MCTP1: variants seen among roughly 807,000 people sequenced by gnomAD.
MCTP1 encodes multiple C2 and transmembrane domain-containing protein 1.
Under a neutral mutation model 120.6 loss-of-function variants are expected in MCTP1, and 69 were observed. That is an observed-to-expected ratio of 0.57 (90% CI 0.47 to 0.70). The LOEUF is 0.70. Ranked by LOEUF, MCTP1 falls within the 30% of genes least tolerant of loss-of-function variation. The probability of loss-of-function intolerance (pLI) is 0.00; values close to 1 mark genes in which losing one functional copy is unlikely to be tolerated. For missense variants in MCTP1, 1,203 were observed against 1,248.8 expected (o/e 0.96, Z 0.55); for synonymous variants, 529 against 493.1 (o/e 1.07, Z -0.96).
chr5:94,776,418 C>T (rs1413954230), intron 19 of MCTP1, among the ~76,000 whole-genome samples: 1 of 152,112 alleles, frequency 6.6e-6, no homozygotes, highest in East Asian at 1.9e-4. Context: ...CAGGTGCTCT[C>T]ATTCTGTGCC....
intron 1 of MCTP1, among the ~76,000 whole-genome samples, chr5:95,266,242 T>A (rs971413169): frequency 1.3e-5 from 2 of 152,156 alleles, no homozygotes; most frequent in African/African-American, 4.8e-5. Context: ...GAGACTCAAG[T>A]TTTAACTTTT....
At chr5:95,176,323 G>A (rs1165536126) in intron 1 of MCTP1, among the ~76,000 whole-genome samples, 5 of 152,060 alleles carry the variant, frequency 3.3e-5, no homozygotes, top group East Asian at 1.9e-4. Context: ...CGAGGAGTTC[G>A]AGACTAGCCT....
At chr5:94,953,158 A>T in intron 3 of MCTP1, 61 bp downstream of exon 3, 1 of 1,474,250 alleles carries the variant, frequency 6.8e-7, no homozygotes, top group Non-Finnish European at 9.2e-7. Context: ...ACATGATAAA[A>T]CCCAGTAAAC....
rs75061204 is a variant in MCTP1, at chr5:95,271,145, A to G, written c.720+12711T>C. 5.0e-3 allele frequency among the ~76,000 whole-genome samples: 759 copies of G among 152,352 alleles called. 24 individuals are homozygous for G. In the East Asian group the frequency reaches 0.097, roughly 20 times the overall value. ...CTAGAAAAAGAATAGATTTTAAAATATGAAATGGGCATTTGTAAATACACC... is the reference window on the plus strand; with the variant it reads ...CTAGAAAAAGAATAGATTTTAAAATGTGAAATGGGCATTTGTAAATACACC... On this transcript the variant is annotated intron_variant, in intron 1 of 22. Coordinates refer to ENST00000515393, the MANE Select transcript of MCTP1 (RefSeq NM_024717.7).
intron 17 of MCTP1, among the ~76,000 whole-genome samples, chr5:94,821,076 A>G (rs1366316546): frequency 2.0e-5 from 3 of 152,206 alleles, no homozygotes; most frequent in Non-Finnish European, 1.5e-5. Context: ...AACCAAGTCT[A>G]TCTGGCTCCA....
At chr5:94,886,546 T>G (rs1006520539) in intron 12 of MCTP1, among the ~76,000 whole-genome samples, 1 of 152,230 alleles carries the variant, frequency 6.6e-6, no homozygotes, top group African/African-American at 2.4e-5. Context: ...AAATCAACCG[T>G]GTATCTTACA....
chr5:95,132,197 G>A lies in MCTP1; in HGVS notation c.721-114713C>T, dbSNP rs115481839. On this transcript the variant is annotated intron_variant, in intron 1 of 22. Coordinates refer to ENST00000515393, the MANE Select transcript of MCTP1 (RefSeq NM_024717.7). Reference sequence around the variant, plus strand: ...CTCATTACAGTCACCAGAATTGAAGGGAGCCCCAGTAACATTCTGTAACAT... The same window carrying A: ...CTCATTACAGTCACCAGAATTGAAGAGAGCCCCAGTAACATTCTGTAACAT... Among the ~76,000 whole-genome samples, 382 of 152,278 alleles carry A rather than the reference G, an allele frequency of 2.5e-3. 2 individuals carry two copies. Among genetic ancestry groups the A allele is most frequent in the African/African-American group, 8.8e-3 (366 of 41,538 alleles).
intron 1 of MCTP1, among the ~76,000 whole-genome samples, chr5:95,121,195 G>C (rs1043410309): frequency 3.4e-5 from 5 of 145,304 alleles, no homozygotes; most frequent in Non-Finnish European, 7.5e-5. Context: ...GGAGAATGGC[G>C]TGAACCCAGG....
chr5:94,828,782 G>A (rs964801950), intron 17 of MCTP1, among the ~76,000 whole-genome samples: 2 of 152,102 alleles, frequency 1.3e-5, no homozygotes, highest in African/African-American at 4.8e-5. Context: ...CAGCAATGGC[G>A]GGTGTCCCTC....
At chr5:95,171,002 G>C (rs1244953584) in intron 1 of MCTP1, among the ~76,000 whole-genome samples, 1 of 152,034 alleles carries the variant, frequency 6.6e-6, no homozygotes, top group Admixed American at 6.6e-5. Context: ...TTTCTTCCTA[G>C]TCTCGATGGT....
At chr5:95,004,715 A>T (rs1834355620) in intron 2 of MCTP1, among the ~76,000 whole-genome samples, 1 of 152,230 alleles carries the variant, frequency 6.6e-6, no homozygotes, top group Admixed American at 6.5e-5. Context: ...AGAGGGCAAC[A>T]GTTGAGGCTT....
intron 12 of MCTP1, among the ~76,000 whole-genome samples, chr5:94,888,461 G>A (rs1801813286): frequency 6.6e-6 from 1 of 152,070 alleles, no homozygotes; most frequent in East Asian, 1.9e-4. Context: ...TTGATACCAA[G>A]TTATTGAGTA....
At chr5:95,195,998 G>A (rs768207996) in intron 1 of MCTP1, among the ~76,000 whole-genome samples, 8 of 151,988 alleles carry the variant, frequency 5.3e-5, no homozygotes, top group Non-Finnish European at 1.0e-4. Context: ...GTGGTCCCCC[G>A]CCTTTCTAAA....
chr5:94,814,613 A>G (rs1236861283), intron 17 of MCTP1, among the ~76,000 whole-genome samples: 5 of 152,354 alleles, frequency 3.3e-5, no homozygotes, highest in African/African-American at 1.2e-4. Context: ...TTCCTATGAA[A>G]AATATAATCA....
At chr5:95,101,304 G>A (rs1292400372) in intron 1 of MCTP1, among the ~76,000 whole-genome samples, 1 of 152,104 alleles carries the variant, frequency 6.6e-6, no homozygotes, top group African/African-American at 2.4e-5. Context: ...TGTACATCCT[G>A]AAACAAAACC....
intron 1 of MCTP1, among the ~76,000 whole-genome samples, chr5:95,106,880 T>G (rs1362003324): frequency 6.6e-6 from 1 of 152,180 alleles, no homozygotes; most frequent in Non-Finnish European, 1.5e-5. Context: ...TTGGTAAACA[T>G]GCTTAGAGAA....
intron 17 of MCTP1, among the ~76,000 whole-genome samples, chr5:94,854,570 G>T (rs1794378261): frequency 6.6e-6 from 1 of 151,854 alleles, no homozygotes; most frequent in Non-Finnish European, 1.5e-5. Flanking sequence ...CTGTAAAAAT[G>T]AGTGTTTCTA....
intron 17 of MCTP1, among the ~76,000 whole-genome samples, chr5:94,825,466 G>T (rs1047546590): frequency 2.6e-5 from 4 of 152,032 alleles, no homozygotes; most frequent in Admixed American, 6.6e-5. Context: ...CCAATTATGT[G>T]GTCAATTTTA....
chr5:95,258,167 G>A lies in MCTP1; in HGVS notation c.720+25689C>T, dbSNP rs1310132410. On this transcript the variant is annotated intron_variant, in intron 1 of 22. Transcript: ENST00000515393. ...ATGGGGTGGGGTGAGGGCAGGTAAA[G>A]TGCTGAATAACTTTACAGTGGAGAA... Among the ~76,000 whole-genome samples the A allele has an allele frequency of 2.0e-5, 3 of 152,176 alleles. No individual in the cohort carries two copies. The East Asian group carries it at 5.8e-4, about 29-fold the overall frequency.
Sources: gnomAD v4.1 joint callset for allele counts (sites outside exome capture counted in the v4.1 genomes callset) on GRCh38, gnomAD v4.1.1 for gene constraint, MANE v1.5 for transcripts, NCBI Gene and HGNC (gene_info 2026-07-23, HGNC 2026-07-21) for gene names.